The following RIF1 variants were observed in gnomAD, a reference collection of about 807,000 sequenced individuals.
RIF1 encodes telomere-associated protein RIF1.
A neutral mutation model predicts 247.1 loss-of-function variants in RIF1; 45 were observed. That is an observed-to-expected ratio of 0.18 (90% CI 0.14 to 0.23). RIF1 has a LOEUF of 0.23. RIF1 is among the 10% of genes least tolerant of loss of function. RIF1 has a pLI of 1.00. For missense variants in RIF1, 2,967 were observed against 2,862.5 expected, an observed-to-expected ratio of 1.04 and a Z score of -0.83; for synonymous variants, 1,087 against 978.8, an observed-to-expected ratio of 1.11 and a Z score of -2.06.
chr2:151,507,702 C>T, intron 13 of RIF1: 1 of 305,718 alleles, frequency 3.3e-6, no homozygotes, highest in Non-Finnish European at 6.1e-6. Flanking sequence ...TTGTGTGTCT[C>T]TCTTGTTAAT....
intron 20 of RIF1, among the ~76,000 whole-genome samples, chr2:151,447,725 A>C (rs1305285736): frequency 6.6e-6 from 1 of 152,016 alleles, no homozygotes; most frequent in Non-Finnish European, 1.5e-5. Context: ...TTGTATTTTT[A>C]GTAGAGATGG....
At chr2:151,529,272 T>A in the RIF1 span, 277 of 1,613,642 alleles carry the variant, frequency 1.7e-4, no homozygotes, top group African/African-American at 3.4e-3. Flanking sequence ...GGCTCAATGG[T>A]GCAGTTGGAT....
the RIF1 span, among the ~76,000 whole-genome samples, chr2:151,523,221 T>A: frequency 6.6e-6 from 1 of 152,218 alleles, no homozygotes; most frequent in Non-Finnish European, 1.5e-5. Flanking sequence ...TTCAAATACT[T>A]ATACAATTCC....
intron 34 of RIF1, among the ~76,000 whole-genome samples, chr2:151,472,818 T>C (rs1162437869): frequency 2.0e-5 from 3 of 152,208 alleles, no homozygotes; most frequent in African/African-American, 7.2e-5. Context: ...TCAAGGATAT[T>C]GGTCTAAAAA....
intron 11 of RIF1, among the ~76,000 whole-genome samples, chr2:151,502,283 G>A (rs572757495): frequency 2.0e-5 from 3 of 152,026 alleles, no homozygotes; most frequent in African/African-American, 7.3e-5. Context: ...TACTGCTTGG[G>A]TGATGGGTGC....
intron 4 of RIF1, among the ~76,000 whole-genome samples, chr2:151,415,263 C>G (rs962714590): frequency 6.6e-6 from 1 of 151,296 alleles, no homozygotes; most frequent in African/African-American, 2.4e-5. Flanking sequence ...AGGAGAATGA[C>G]GTGAACCCGG....
At chr2:151,519,834 T>G in the RIF1 span, 20 of 1,058,068 alleles carry the variant, frequency 1.9e-5, no homozygotes, top group Middle Eastern at 2.0e-4. Flanking sequence ...TGGGGAATAG[T>G]AGAAACACAA....
Position 151,464,519 on chromosome 2 carries a change from C to T in RIF1, c.4999C>T (p.Leu1667=). 2 of 1,611,644 alleles carry T rather than the reference C, an allele frequency of 1.2e-6. No individual in the cohort carries two copies. Among genetic ancestry groups the T allele is most frequent in the Non-Finnish European group, 1.7e-6 (2 of 1,179,180 alleles). Reference sequence around the variant, plus strand: ...ATATGCAGAATATTCCTTTACAAGTCTACCTGTGCCAGAATCAAATCTAAG... The same window carrying T: ...ATATGCAGAATATTCCTTTACAAGTTTACCTGTGCCAGAATCAAATCTAAG... ...SKYAEYSFTS[L]PVPESNLRTR... Residue 1667 remains leucine (L), a synonymous_variant, in exon 30 of 36, where the codon CTA becomes TTA. Transcript: ENST00000444746.
intron 9 of RIF1, chr2:151,490,073 G>T: frequency 6.2e-7 from 1 of 1,603,458 alleles, no homozygotes; most frequent in Non-Finnish European, 8.5e-7. Context: ...TTGCATGTTT[G>T]TAAGCTGAAA....
At chr2:151,434,608 T>C (rs1197070737) in intron 10 of RIF1, among the ~76,000 whole-genome samples, 1 of 151,758 alleles carries the variant, frequency 6.6e-6, no homozygotes, top group African/African-American at 2.4e-5. Context: ...GCCCAGCTAA[T>C]TTTTTGTATT....
chr2:151,509,998 C>T (rs1163130700), downstream of RIF1, among the ~76,000 whole-genome samples: 2 of 152,304 alleles, frequency 1.3e-5, no homozygotes, highest in South Asian at 2.1e-4. Flanking sequence ...TCAGAGCTTA[C>T]CTTTTAAGCT....
chr2:151,462,803 A>T, intron 29 of RIF1, 81 bp from the exon 30 acceptor site: 1 of 1,093,180 alleles, frequency 9.1e-7, no homozygotes, highest in South Asian at 1.7e-5. Flanking sequence ...GAAGTTTTAC[A>T]CTAAAGTTTT....
In RIF1 at chr2:151,470,154, G is replaced by A. The variant is rs1241241626; in HGVS notation, c.7095+290G>A. On this transcript the variant is annotated intron_variant, in intron 34 of 35. Transcript: ENST00000444746. ...TCTACCAAAACCATACAGATTTGTA[G>A]GTCACAGTATTTTGGTTTGGATGCC... 2.6e-5 allele frequency among the ~76,000 whole-genome samples: 4 copies of A among 151,950 alleles called. No individual in the cohort carries two copies. The East Asian group carries it at 7.7e-4, about 29-fold the overall frequency.
chr2:151,485,993 C>T (rs2049992785), downstream of RIF1: 3 of 1,521,862 alleles, frequency 2.0e-6, no homozygotes, highest in South Asian at 1.1e-5. Context: ...AGTTAACACA[C>T]ATCTATTTGT....
chr2:151,462,498 TA>T (rs1167478491), intron 29 of RIF1, 32 bp downstream of exon 29: 1 of 1,385,404 alleles, frequency 7.2e-7, no homozygotes, highest in South Asian at 1.4e-5. Flanking sequence ...TTGGGCTTTT[TA>T]GAATCACCCT....
chr2:151,456,011 G>C (rs953089623), intron 22 of RIF1, among the ~76,000 whole-genome samples: 1 of 152,046 alleles, frequency 6.6e-6, no homozygotes, highest in African/African-American at 2.4e-5. Context: ...TTATGTGTCT[G>C]AATTGGTCTC....
chr2:151,487,961 T>C (rs1373096307), intron 9 of RIF1, among the ~76,000 whole-genome samples: 1 of 152,160 alleles, frequency 6.6e-6, no homozygotes, highest in Non-Finnish European at 1.5e-5. Flanking sequence ...CAATATGATA[T>C]TTGATTCAAT....
At chr2:151,503,570 CAG>C (rs747066360) in intron 12 of RIF1, 18 of 592,304 alleles carry the variant, frequency 3.0e-5, no homozygotes, top group Admixed American at 3.3e-5. Context: ...ATTCAAGGAA[CAG>C]GGGGGAAAAT....
intron 11 of RIF1, among the ~76,000 whole-genome samples, chr2:151,435,804 C>T (rs565527598): frequency 1.1e-4 from 17 of 149,938 alleles, no homozygotes; most frequent in South Asian, 4.2e-4. Context: ...CTGTTGTAAG[C>T]GCATTGTTGT....
Sources: allele counts gnomAD v4.1 joint callset (sites outside exome capture counted in the v4.1 genomes callset), GRCh38; gene constraint gnomAD v4.1.1; transcripts MANE v1.5; gene names NCBI Gene and HGNC (gene_info 2026-07-23, HGNC 2026-07-21).